Variants in HMCN1 observed in about 807,000 individuals in gnomAD.
HMCN1 encodes the protein hemicentin-1.
HMCN1 carries 321 observed loss-of-function variants against 625.9 expected under a neutral mutation model. The ratio of observed to expected loss-of-function variants is 0.51; its 90% CI spans 0.47 to 0.56. HMCN1 has a LOEUF of 0.56. Ranked by LOEUF, HMCN1 falls within the 20% of genes least tolerant of loss-of-function variation. The pLI, the probability that HMCN1 is intolerant of heterozygous loss-of-function variation, is 0.00. For missense variants in HMCN1, 6,588 were observed against 6,887.3 expected, an observed-to-expected ratio of 0.96 and a Z score of 1.54; for synonymous variants, 2,425 against 2,417.6, an observed-to-expected ratio of 1.00 and a Z score of -0.09.
chr1:185,879,229 G>A (rs368508613), intron 4 of HMCN1, among the ~76,000 whole-genome samples: 1 of 152,182 alleles, frequency 6.6e-6, no homozygotes, highest in African/African-American at 2.4e-5. Flanking sequence ...AGAGTGCAGT[G>A]TTGTGATCAC....
chr1:185,738,242 G>A (rs1485040874), intron 1 of HMCN1, among the ~76,000 whole-genome samples: 1 of 152,166 alleles, frequency 6.6e-6, no homozygotes, highest in Non-Finnish European at 1.5e-5. Flanking sequence ...TGTTGCCACA[G>A]TCCATTGTAG....
chr1:186,074,971 AAC>A, intron 53 of HMCN1, 80 bp downstream of exon 53: 1 of 1,228,414 alleles, frequency 8.1e-7, no homozygotes. Flanking sequence ...ACTTATTTTA[AAC>A]AGTGTTTTTT....
intron 4 of HMCN1, among the ~76,000 whole-genome samples, chr1:185,868,750 T>G (rs1663426885): frequency 6.6e-6 from 1 of 152,160 alleles, no homozygotes; most frequent in Non-Finnish European, 1.5e-5. Flanking sequence ...CTAATAATTT[T>G]TAATAATTCT....
In HMCN1 at chr1:186,145,526, G is replaced by C. The variant is rs1281660881; in HGVS notation, c.14390G>C (p.Gly4797Ala). 2 of 1,614,080 alleles carry C rather than the reference G, an allele frequency of 1.2e-6. No homozygotes were observed. Among genetic ancestry groups the C allele is most frequent in the Non-Finnish European group, 1.7e-6 (2 of 1,179,988 alleles). Residue 4797 changes from glycine (G) to alanine (A), a missense_variant, in exon 92 of 107, where the codon GGG (glycine) becomes GCG (alanine). Coordinates refer to ENST00000271588, the MANE Select transcript of HMCN1 (RefSeq NM_031935.3). Reference sequence around the variant, plus strand: ...CCCTCCAATGGGGGAAGAGCTTGTGGGGGACCAGACTCCCAGATCCAGAGG... The same window carrying C: ...CCCTCCAATGGGGGAAGAGCTTGTGCGGGACCAGACTCCCAGATCCAGAGG... ...PPPSNGGRAC[G>A]GPDSQIQRCN...
intron 36 of HMCN1, among the ~76,000 whole-genome samples, chr1:186,031,800 T>G (rs1366720258): frequency 6.6e-6 from 1 of 152,132 alleles, no homozygotes; most frequent in East Asian, 1.9e-4. Flanking sequence ...TGTTGAGTTT[T>G]TATTACACTT....
At chr1:185,844,968 C>T (rs1279838116) in intron 1 of HMCN1, among the ~76,000 whole-genome samples, 2 of 152,186 alleles carry the variant, frequency 1.3e-5, no homozygotes, top group African/African-American at 2.4e-5. Flanking sequence ...ATTCACCTGA[C>T]TTATGATCTA....
intron 97 of HMCN1, among the ~76,000 whole-genome samples, chr1:186,158,317 A>C (rs111900554): frequency 8.6e-5 from 13 of 150,720 alleles, no homozygotes; most frequent in African/African-American, 2.9e-4. Flanking sequence ...GTTTGAGTTC[A>C]TTGTAGATTC....
chr1:185,853,551 A>G (rs76575982), intron 2 of HMCN1, among the ~76,000 whole-genome samples: 4,060 of 152,214 alleles, frequency 0.027, 159 homozygotes, highest in African/African-American at 0.087. Context: ...AGTTTCTGCT[A>G]GAGTAAAGAA....
At chr1:185,883,525 T>C (rs763634468) in intron 4 of HMCN1, among the ~76,000 whole-genome samples, 2 of 152,018 alleles carry the variant, frequency 1.3e-5, no homozygotes, top group Non-Finnish European at 2.9e-5. Context: ...GATTTTTAAA[T>C]TGAGTATCAT....
At chr1:185,890,449 G>A (rs1405032586) in intron 4 of HMCN1, among the ~76,000 whole-genome samples, 1 of 145,752 alleles carries the variant, frequency 6.9e-6, no homozygotes, top group Non-Finnish European at 1.5e-5. Flanking sequence ...TGGGCATTTA[G>A]TGCTATAAAT....
At chr1:186,005,618 A>G (rs1412568262) in intron 29 of HMCN1, among the ~76,000 whole-genome samples, 1 of 152,028 alleles carries the variant, frequency 6.6e-6, no homozygotes, top group African/African-American at 2.4e-5. Context: ...TGTTAAAAAC[A>G]AAAATGTTCA....
chr1:186,144,162 G>C lies in HMCN1; in HGVS notation c.13925-11G>C. 1.9e-6 allele frequency: 3 copies of C among 1,581,810 alleles called. No individual in the cohort carries two copies. The highest frequency in any genetic ancestry group is 2.6e-6 in the Non-Finnish European group (3 of 1,166,256). On this transcript the variant is annotated splice_polypyrimidine_tract_variant and intron_variant, in intron 89 of 106. Coordinates refer to ENST00000271588, the MANE Select transcript of HMCN1 (RefSeq NM_031935.3). ...TCTGTGACTTGCAACTGTCTTTTGG[G>C]GTGTTTGCAGTTCATGGAGCATGGA...
intron 11 of HMCN1, among the ~76,000 whole-genome samples, chr1:185,954,426 T>C (rs1649470549): frequency 6.6e-6 from 1 of 152,150 alleles, no homozygotes; most frequent in Non-Finnish European, 1.5e-5. Context: ...GTACTGTCAA[T>C]TCCTTATTGC....
chr1:185,824,902 G>T (rs1453466027), intron 1 of HMCN1, among the ~76,000 whole-genome samples: 1 of 152,014 alleles, frequency 6.6e-6, no homozygotes, highest in Non-Finnish European at 1.5e-5. Flanking sequence ...ATCTTTCTGA[G>T]CAAGAGTTAA....
chr1:186,162,380 C>T (rs888027097), intron 97 of HMCN1, among the ~76,000 whole-genome samples: 1 of 151,896 alleles, frequency 6.6e-6, no homozygotes, highest in Non-Finnish European at 1.5e-5. Context: ...TCCTGTAGCT[C>T]ATAGTTTGAT....
In HMCN1 at chr1:186,070,646, G is replaced by A. The variant is rs933099469; in HGVS notation, c.8028G>A (p.Gly2676=). ...TAATCAATAAAGGGGACCTTTGGGG[G>A]CCAGGTCTTTCCCCTAAAGAAGTGA... ...PPIINKGDLW[G]PGLSPKEVKI... The change falls in exon 52 of 107, where the codon GGG becomes GGA. Residue 2676 remains glycine, a synonymous_variant. Coordinates refer to ENST00000271588, the MANE Select transcript of HMCN1 (RefSeq NM_031935.3). 6.2e-7 allele frequency: 1 copy of A among 1,613,196 alleles called. No individual in the cohort carries two copies. The highest frequency in any genetic ancestry group is 1.3e-5 in the African/African-American group (1 of 75,012).
intron 105 of HMCN1, among the ~76,000 whole-genome samples, chr1:186,186,994 TCACACACACACACACA>T (rs371455899): frequency 7.4e-5 from 10 of 134,516 alleles, no homozygotes; most frequent in East Asian, 2.3e-4. Flanking sequence ...TGTCTCTGTC[TCACACACACACACACA>T]CACACACACA....
At position 185,862,142 on chromosome 1, in the gene HMCN1, G is replaced by C. The variant is rs74134303; in HGVS notation, c.340-2328G>C. On this transcript the variant is annotated intron_variant, in intron 2 of 106. Transcript: ENST00000271588. ...AAAATTCTATAAAAAAAGAATCTCA[G>C]CTTAAAGGGAGCAATTTGTGGAGAA... 6.6e-3 allele frequency among the ~76,000 whole-genome samples: 1,010 copies of C among 152,158 alleles called. 13 individuals carry two copies. Among genetic ancestry groups the C allele is most frequent in the African/African-American group, 0.022 (898 of 41,534 alleles).
chr1:185,803,903 G>C (rs1214663261), intron 1 of HMCN1, among the ~76,000 whole-genome samples: 1 of 151,884 alleles, frequency 6.6e-6, no homozygotes, highest in African/African-American at 2.4e-5. Flanking sequence ...TTGCTTTTTG[G>C]CTATCATTCA....
Sources: allele counts gnomAD v4.1 joint callset (sites outside exome capture counted in the v4.1 genomes callset), GRCh38; gene constraint gnomAD v4.1.1; transcripts MANE v1.5; gene names NCBI Gene and HGNC (gene_info 2026-07-23, HGNC 2026-07-21).